Variants in ASIC2 observed in about 807,000 individuals in gnomAD.
ASIC2 encodes acid sensing ion channel subunit 2.
A neutral mutation model predicts 57.3 loss-of-function variants in ASIC2; 25 were observed. That is an observed-to-expected ratio of 0.44 (90% confidence interval 0.32 to 0.61). ASIC2 has a LOEUF of 0.61. ASIC2 is among the 20% of genes least tolerant of loss of function. ASIC2 has a pLI of 0.06. For synonymous variants in ASIC2, 319 were observed against 307.5 expected (o/e 1.04, Z -0.39); for missense variants, 641 against 738.1 (o/e 0.87, Z 1.52).
chr17:33,267,667 T>C (rs1909515819), intron 1 of ASIC2, among the ~76,000 whole-genome samples: 2 of 152,166 alleles, frequency 1.3e-5, no homozygotes, highest in Admixed American at 1.3e-4. Context: ...CAAGGGCAAC[T>C]GGAGTTCAGG....
intron 1 of ASIC2, among the ~76,000 whole-genome samples, chr17:33,730,558 GA>G: frequency 6.6e-6 from 1 of 152,308 alleles, no homozygotes; most frequent in South Asian, 2.1e-4. Flanking sequence ...TTGACTACTT[GA>G]ATATAAATGA....
At chr17:33,106,553 C>T (rs1230812884) in intron 2 of ASIC2, among the ~76,000 whole-genome samples, 1 of 152,194 alleles carries the variant, frequency 6.6e-6, no homozygotes, top group Non-Finnish European at 1.5e-5. Flanking sequence ...TTCTCACCCT[C>T]ACCCCCACTC....
chr17:33,065,195 G>A (rs2092038023), intron 3 of ASIC2, among the ~76,000 whole-genome samples: 1 of 151,884 alleles, frequency 6.6e-6, no homozygotes, highest in Non-Finnish European at 1.5e-5. Flanking sequence ...TATATTTTTT[G>A]AGACAAAGTC....
At chr17:34,085,506 G>T (rs916856736) in intron 1 of ASIC2, among the ~76,000 whole-genome samples, 1 of 152,006 alleles carries the variant, frequency 6.6e-6, no homozygotes, top group Non-Finnish European at 1.5e-5. Flanking sequence ...TCTCTTTTTT[G>T]GTTGTGTCTC....
At chr17:34,056,270 A>T (rs1908762428) in intron 1 of ASIC2, among the ~76,000 whole-genome samples, 1 of 152,182 alleles carries the variant, frequency 6.6e-6, no homozygotes, top group Non-Finnish European at 1.5e-5. Flanking sequence ...TTAAGCAGAC[A>T]CATGGAGCCT....
At chr17:33,543,766 G>C (rs1469696143) in intron 1 of ASIC2, among the ~76,000 whole-genome samples, 1 of 152,206 alleles carries the variant, frequency 6.6e-6, no homozygotes, top group Non-Finnish European at 1.5e-5. Context: ...TGGGAGGTCA[G>C]TTCAGAGAGG....
At chr17:33,467,809 A>T (rs1912914523) in intron 1 of ASIC2, among the ~76,000 whole-genome samples, 1 of 152,198 alleles carries the variant, frequency 6.6e-6, no homozygotes, top group South Asian at 2.1e-4. Context: ...ACCAATGCAC[A>T]TCTTACATAT....
intron 1 of ASIC2, among the ~76,000 whole-genome samples, chr17:33,472,020 CT>C (rs58443184): frequency 0.4 from 55,431 of 139,244 alleles, 11,390 homozygotes; most frequent in Non-Finnish European, 0.49. Flanking sequence ...AGGGACTTTT[CT>C]TTTTTTTTTT....
At chr17:33,057,436 C>A (rs945827736) in intron 3 of ASIC2, among the ~76,000 whole-genome samples, 1 of 152,228 alleles carries the variant, frequency 6.6e-6, no homozygotes, top group Non-Finnish European at 1.5e-5. Flanking sequence ...TCTTCTGTCT[C>A]TATGTGCTTG....
chr17:34,045,045 T>C (rs546304005), intron 1 of ASIC2, among the ~76,000 whole-genome samples: 2 of 152,234 alleles, frequency 1.3e-5, no homozygotes, highest in East Asian at 1.9e-4. Context: ...AGTCCTTCCA[T>C]AGAGGGACGT....
intron 1 of ASIC2, among the ~76,000 whole-genome samples, chr17:33,298,506 C>T (rs929382799): frequency 6.6e-6 from 1 of 152,158 alleles, no homozygotes. Context: ...ATTAATGGAC[C>T]TTTGGGTTGG....
chr17:34,060,107 C>A (rs1219282214), intron 1 of ASIC2, among the ~76,000 whole-genome samples: 2 of 152,220 alleles, frequency 1.3e-5, no homozygotes, highest in African/African-American at 4.8e-5. Flanking sequence ...CATCTGCCAC[C>A]TCCACCAGAA....
chr17:33,137,569 C>T (rs996249788), intron 1 of ASIC2, among the ~76,000 whole-genome samples: 1 of 152,220 alleles, frequency 6.6e-6, no homozygotes, highest in African/African-American at 2.4e-5. Context: ...GAAAACCACA[C>T]TGCAGGGTTG....
At chr17:33,777,120 G>T (rs1341641190) in intron 1 of ASIC2, among the ~76,000 whole-genome samples, 1 of 152,170 alleles carries the variant, frequency 6.6e-6, no homozygotes, top group Non-Finnish European at 1.5e-5. Context: ...CATGTAAGCT[G>T]GCGCCCGCTG....
intron 1 of ASIC2, among the ~76,000 whole-genome samples, chr17:33,656,042 G>A (rs956329911): frequency 1.3e-5 from 2 of 152,034 alleles, no homozygotes; most frequent in African/African-American, 4.8e-5. Context: ...GGGCCCTTAG[G>A]ATATCTGTAA....
chr17:33,418,330 G>A (rs186082029), intron 1 of ASIC2, among the ~76,000 whole-genome samples: 13 of 152,000 alleles, frequency 8.6e-5, no homozygotes, highest in African/African-American at 2.7e-4. Context: ...AGAATTAAAC[G>A]AAAACCTACC....
chr17:33,858,201 G>A (rs899522111), intron 1 of ASIC2, among the ~76,000 whole-genome samples: 2 of 152,210 alleles, frequency 1.3e-5, no homozygotes, highest in African/African-American at 4.8e-5. Flanking sequence ...CTACCCAGAG[G>A]TAGGCACTGG....
chr17:33,967,548 T>C (rs1185564477), intron 1 of ASIC2, among the ~76,000 whole-genome samples: 1 of 152,176 alleles, frequency 6.6e-6, no homozygotes, highest in Non-Finnish European at 1.5e-5. Flanking sequence ...TTCGAATTCT[T>C]AAACACAACT....
intron 1 of ASIC2, among the ~76,000 whole-genome samples, chr17:33,172,465 A>T (rs1905560198): frequency 6.6e-6 from 1 of 152,196 alleles, no homozygotes; most frequent in African/African-American, 2.4e-5. Context: ...TCGCTCTGCA[A>T]ATATCCTAGG....
Sources: allele counts gnomAD v4.1 joint callset (sites outside exome capture counted in the v4.1 genomes callset), GRCh38; gene constraint gnomAD v4.1.1; transcripts MANE v1.5; gene names NCBI Gene and HGNC (gene_info 2026-07-23, HGNC 2026-07-21).